Variants in NDNF observed in about 807,000 individuals in gnomAD.
The protein encoded by NDNF is neuron derived neurotrophic factor, also known as protein NDNF.
In NDNF, 16 loss-of-function variants were observed where a neutral mutation model predicts 42.0. That is an observed-to-expected ratio of 0.38 (90% CI 0.26 to 0.58). The LOEUF (loss-of-function observed/expected upper bound fraction) is 0.58. Ranked by LOEUF, NDNF falls within the 20% of genes least tolerant of loss-of-function variation. The pLI is 0.67. For synonymous variants in NDNF, 248 were observed against 251.7 expected, an observed-to-expected ratio of 0.99 and a Z score of 0.14; for missense variants, 616 against 666.2, an observed-to-expected ratio of 0.92 and a Z score of 0.83.
At position 121,036,471 on chromosome 4, in the gene NDNF, T is replaced by C; in HGVS notation, c.1500A>G (p.Gln500=). The C allele has an allele frequency of 1.2e-6, 2 of 1,614,198 alleles. No individual in the cohort carries two copies. Among genetic ancestry groups the C allele is most frequent in the African/African-American group, 1.3e-5 (1 of 75,066 alleles). ...NEDQKKREQN[Q]CLGPDIRKKS... is the part of the protein sequence containing the mutation. ...TCTTCCTTATATCTGGTCCTAGACA[T>C]TGGTTTTGCTCTCTTTTCTTCTGGT... The change falls in exon 4 of 4, where the codon CAA becomes CAG. Residue 500 remains glutamine (Q), a synonymous_variant. Coordinates refer to ENST00000379692, the MANE Select transcript of NDNF (RefSeq NM_024574.4).
chr4:121,049,552 C>T (rs1181744532), intron 1 of NDNF, among the ~76,000 whole-genome samples: 2 of 152,108 alleles, frequency 1.3e-5, no homozygotes, highest in African/African-American at 4.8e-5. Flanking sequence ...GAGTATCTTG[C>T]CTTCTTCTAG....
intron 1 of NDNF, among the ~76,000 whole-genome samples, chr4:121,056,412 A>G (rs950257673): frequency 4.6e-5 from 7 of 152,186 alleles, no homozygotes; most frequent in African/African-American, 1.7e-4. Flanking sequence ...GCAGGTCAGC[A>G]ATCTTTTCAT....
intron 2 of NDNF, 133 bp downstream of exon 2, chr4:121,045,517 T>G (rs1579312559): frequency 1.5e-6 from 1 of 686,734 alleles, no homozygotes; most frequent in Non-Finnish European, 2.4e-6. Context: ...TGTTCCCCCT[T>G]ACTTACAGAA....
chr4:121,039,900 G>A (rs1726966461), intron 3 of NDNF, 30 bp downstream of exon 3: 1 of 1,603,372 alleles, frequency 6.2e-7, no homozygotes, highest in Non-Finnish European at 8.5e-7. Flanking sequence ...CCATTCAAAG[G>A]TCCAGGGGCA....
At chr4:121,070,094 C>T (rs901808781) in intron 1 of NDNF, among the ~76,000 whole-genome samples, 9 of 152,268 alleles carry the variant, frequency 5.9e-5, no homozygotes, top group Admixed American at 5.9e-4. Context: ...TGCAGAATGA[C>T]TGAAGAATTA....
At position 121,072,253 on chromosome 4, in the gene NDNF, TG is replaced by T. The variant is rs1269521031; in HGVS notation, c.-263del. On this transcript the variant is annotated 5_prime_UTR_variant, in exon 1 of 4. Coordinates refer to ENST00000379692, the MANE Select transcript of NDNF (RefSeq NM_024574.4). ...CGCGGTCGCCGAAGTTGCTGCGAAGTGGAGTAGGGAGCCGCGCGGGGCTGGG... is the reference window on the plus strand; with the variant it reads ...CGCGGTCGCCGAAGTTGCTGCGAAGTGAGTAGGGAGCCGCGCGGGGCTGGG... The T allele has an allele frequency of 6.6e-6, 1 of 152,166 alleles. No homozygotes were observed. The highest frequency in any genetic ancestry group is 2.4e-5 in the African/African-American group (1 of 41,218). The allele number at this position is 152,166 out of a possible 1,614,324, so 9.4% of individuals were successfully genotyped here. A position where few individuals can be genotyped will look rare whatever the true frequency, so the allele number is the denominator to read the frequency against.
intron 1 of NDNF, among the ~76,000 whole-genome samples, chr4:121,050,491 G>A (rs1295340566): frequency 6.6e-6 from 1 of 152,142 alleles, no homozygotes; most frequent in African/African-American, 2.4e-5. Context: ...TAGGAAATGT[G>A]TTTGCACAGC....
rs146582093 is a variant in NDNF, at chr4:121,068,962, C to A, written c.-2+3031G>T. Among the ~76,000 whole-genome samples the A allele has an allele frequency of 1.1e-4, 17 of 152,146 alleles. No individual in the cohort carries two copies. In the East Asian group the frequency reaches 3.1e-3, roughly 28 times the overall value. On this transcript the variant is annotated intron_variant, in intron 1 of 3. Transcript: ENST00000379692. Reference sequence around the variant, plus strand: ...TTCAGTTTTAAAGTAAAAATTCTGACCTCTAGATAGGCTGAAGAGAATTGC... The same window carrying A: ...TTCAGTTTTAAAGTAAAAATTCTGAACTCTAGATAGGCTGAAGAGAATTGC...
intron 1 of NDNF, among the ~76,000 whole-genome samples, chr4:121,057,968 G>T (rs1386774363): frequency 6.6e-6 from 1 of 152,176 alleles, no homozygotes; most frequent in Non-Finnish European, 1.5e-5. Flanking sequence ...GTCCTCTGGT[G>T]AAACCAAAGA....
rs533816161 is a variant in NDNF at position 121,047,739 on chromosome 4, C to T, written c.-1-1901G>A. On this transcript the variant is annotated intron_variant, in intron 1 of 3. Coordinates refer to ENST00000379692, the MANE Select transcript of NDNF (RefSeq NM_024574.4). ...GATGGGTGATCTATAATCAGCAATG[C>T]TTCTGAGACTGAATAAACTTTTCTT... Among the ~76,000 whole-genome samples, 5 of 152,310 alleles carry T rather than the reference C, an allele frequency of 3.3e-5. No homozygotes were observed. The East Asian group carries it at 9.6e-4, about 29-fold the overall frequency.
At chr4:121,047,243 CACA>C (rs1276482211) in intron 1 of NDNF, among the ~76,000 whole-genome samples, 3 of 152,176 alleles carry the variant, frequency 2.0e-5, no homozygotes, top group African/African-American at 7.2e-5. Context: ...TTGGATTTTT[CACA>C]ACGAGCTTGT....
At chr4:121,052,602 C>T (rs1241523957) in intron 1 of NDNF, among the ~76,000 whole-genome samples, 2 of 152,070 alleles carry the variant, frequency 1.3e-5, no homozygotes, top group Non-Finnish European at 2.9e-5. Context: ...AGCATTTGGT[C>T]CAGGTGTAAG....
Position 121,035,984 on chromosome 4 carries a change from T to C in NDNF, c.*280A>G, listed in dbSNP as rs1377697578. Reference sequence around the variant, plus strand: ...AATAAAATAATTTAGAAGCAGTTCATGCAGTGGTCAAAGCAAGGAATGGCA... The same window carrying C: ...AATAAAATAATTTAGAAGCAGTTCACGCAGTGGTCAAAGCAAGGAATGGCA... On this transcript the variant is annotated 3_prime_UTR_variant, in exon 4 of 4. Coordinates refer to ENST00000379692, the MANE Select transcript of NDNF (RefSeq NM_024574.4). The C allele has an allele frequency of 2.8e-6, 1 of 351,182 alleles. No homozygotes were observed. The highest frequency in any genetic ancestry group is 2.1e-5 in the African/African-American group (1 of 47,728). The allele number at this position is 351,182 out of a possible 1,614,324, so 21.8% of individuals were successfully genotyped here. A position where few individuals can be genotyped will look rare whatever the true frequency, so the allele number is the denominator to read the frequency against.
chr4:121,062,833 T>A (rs1236475783), intron 1 of NDNF, among the ~76,000 whole-genome samples: 4 of 152,128 alleles, frequency 2.6e-5, no homozygotes, highest in Admixed American at 1.3e-4. Flanking sequence ...GAAAAAGAGA[T>A]CTCGAAAATG....
intron 1 of NDNF, among the ~76,000 whole-genome samples, chr4:121,054,996 G>A (rs1237328822): frequency 7.6e-6 from 1 of 132,352 alleles, no homozygotes; most frequent in Non-Finnish European, 1.6e-5. Context: ...TACTCAGCTA[G>A]GTTTTTTTTT....
intron 1 of NDNF, among the ~76,000 whole-genome samples, chr4:121,052,814 A>G (rs923212840): frequency 2.6e-5 from 4 of 152,240 alleles, no homozygotes; most frequent in South Asian, 4.1e-4. Flanking sequence ...TTTGCAAACA[A>G]TGAAAATGTC....
At chr4:121,049,153 T>C (rs1396506101) in intron 1 of NDNF, among the ~76,000 whole-genome samples, 1 of 152,218 alleles carries the variant, frequency 6.6e-6, no homozygotes, top group Non-Finnish European at 1.5e-5. Flanking sequence ...AGTAAACAAA[T>C]TCAAGTTATA....
At chr4:121,051,189 G>T (rs1197653689) in intron 1 of NDNF, among the ~76,000 whole-genome samples, 4 of 152,058 alleles carry the variant, frequency 2.6e-5, no homozygotes, top group Non-Finnish European at 5.9e-5. Context: ...ATGGAGAAGG[G>T]ATTCTTTCTA....
intron 1 of NDNF, among the ~76,000 whole-genome samples, chr4:121,060,806 C>A (rs1727392177): frequency 6.6e-6 from 1 of 152,192 alleles, no homozygotes; most frequent in Non-Finnish European, 1.5e-5. Flanking sequence ...CATCTTTACC[C>A]CCAAGGTCCC....
Sources: gnomAD v4.1 joint callset for allele counts (sites outside exome capture counted in the v4.1 genomes callset) on GRCh38, gnomAD v4.1.1 for gene constraint, MANE v1.5 for transcripts, NCBI Gene and HGNC (gene_info 2026-07-23, HGNC 2026-07-21) for gene names.